Variants in SH3GL2 observed in about 807,000 individuals in gnomAD.
SH3GL2 encodes the protein endophilin-A1.
Under a neutral mutation model 46.0 loss-of-function variants are expected in SH3GL2, and 24 were observed. The ratio of observed to expected loss-of-function variants is 0.52; its 90% confidence interval spans 0.38 to 0.73. SH3GL2 has a LOEUF of 0.73. SH3GL2 is among the 30% of genes least tolerant of loss of function. The pLI, the probability that SH3GL2 is intolerant of heterozygous loss-of-function variation, is 0.00. For synonymous variants in SH3GL2, 196 were observed against 147.1 expected, an observed-to-expected ratio of 1.33 and a Z score of -2.40; for missense variants, 413 against 424.2, an observed-to-expected ratio of 0.97 and a Z score of 0.23.
intron 1 of SH3GL2, among the ~76,000 whole-genome samples, chr9:17,654,598 T>G (rs1021354826): frequency 3.3e-5 from 5 of 152,210 alleles, no homozygotes; most frequent in African/African-American, 1.2e-4. Flanking sequence ...AAAGTTAATC[T>G]TTATCATCTA....
chr9:17,665,510 C>A (rs999834550), intron 1 of SH3GL2, among the ~76,000 whole-genome samples: 5 of 151,954 alleles, frequency 3.3e-5, no homozygotes, highest in Non-Finnish European at 7.4e-5. Flanking sequence ...TGTTTATTTG[C>A]TTATTTATTC....
intron 1 of SH3GL2, among the ~76,000 whole-genome samples, chr9:17,733,315 G>T (rs944736700): frequency 6.6e-6 from 1 of 151,118 alleles, no homozygotes; most frequent in African/African-American, 2.4e-5. Context: ...TAGGGTACAT[G>T]TGCACAATGT....
At chr9:17,795,199 A>G (rs1057503400) in intron 8 of SH3GL2, among the ~76,000 whole-genome samples, 1 of 152,200 alleles carries the variant, frequency 6.6e-6, no homozygotes, top group African/African-American at 2.4e-5. Flanking sequence ...TTCTTAAGTC[A>G]TTGTCCCTCC....
intron 3 of SH3GL2, among the ~76,000 whole-genome samples, chr9:17,772,447 C>G (rs1823512231): frequency 6.6e-6 from 1 of 152,146 alleles, no homozygotes; most frequent in African/African-American, 2.4e-5. Flanking sequence ...ATCTCCATAA[C>G]TCTTTTTGTC....
intron 1 of SH3GL2, among the ~76,000 whole-genome samples, chr9:17,594,023 G>A (rs1242898226): frequency 6.6e-6 from 1 of 152,108 alleles, no homozygotes; most frequent in Non-Finnish European, 1.5e-5. Flanking sequence ...TGTGCTTCTG[G>A]TCTCGTTCCC....
At chr9:17,664,125 G>A (rs1195945873) in intron 1 of SH3GL2, among the ~76,000 whole-genome samples, 2 of 152,084 alleles carry the variant, frequency 1.3e-5, no homozygotes, top group Non-Finnish European at 2.9e-5. Flanking sequence ...AATTCAGTAC[G>A]CCTAAGTGAA....
chr9:17,708,560 A>T (rs1367277040), intron 1 of SH3GL2, among the ~76,000 whole-genome samples: 1 of 152,000 alleles, frequency 6.6e-6, no homozygotes, highest in Non-Finnish European at 1.5e-5. Flanking sequence ...AATATATACG[A>T]TTGCGTTATA....
chr9:17,650,847 ATTG>A (rs1350968554), intron 1 of SH3GL2, among the ~76,000 whole-genome samples: 1 of 152,110 alleles, frequency 6.6e-6, no homozygotes, highest in Non-Finnish European at 1.5e-5. Flanking sequence ...AGGAGAGTTT[ATTG>A]TTTTATGAAA....
intron 1 of SH3GL2, among the ~76,000 whole-genome samples, chr9:17,701,862 A>G (rs1475747928): frequency 3.3e-5 from 5 of 152,282 alleles, no homozygotes; most frequent in South Asian, 2.1e-4. Context: ...ACTTAGCATC[A>G]TAAAGGAGTC....
intron 1 of SH3GL2, among the ~76,000 whole-genome samples, chr9:17,582,221 A>C (rs1002126304): frequency 6.6e-6 from 1 of 152,256 alleles, no homozygotes; most frequent in Non-Finnish European, 1.5e-5. Flanking sequence ...GCTTTTGCCA[A>C]GTAAAATTTA....
chr9:17,649,552 G>C (rs1819905653), intron 1 of SH3GL2, among the ~76,000 whole-genome samples: 1 of 152,070 alleles, frequency 6.6e-6, no homozygotes, highest in Admixed American at 6.5e-5. Context: ...AAGGGCATTG[G>C]TAAATACCAC....
chr9:17,686,836 GC>G (rs1820924552), intron 1 of SH3GL2, among the ~76,000 whole-genome samples: 2 of 149,942 alleles, frequency 1.3e-5, no homozygotes, highest in Non-Finnish European at 3.0e-5. Flanking sequence ...TATACCTAAT[GC>G]TAGATGACGA....
At chr9:17,637,019 A>C (rs1166216879) in intron 1 of SH3GL2, among the ~76,000 whole-genome samples, 1 of 152,194 alleles carries the variant, frequency 6.6e-6, no homozygotes, top group Non-Finnish European at 1.5e-5. Context: ...AGTTGCCTGG[A>C]AGGGAAAGGA....
intron 3 of SH3GL2, among the ~76,000 whole-genome samples, chr9:17,782,586 G>A (rs993395647): frequency 2.0e-5 from 3 of 152,108 alleles, no homozygotes; most frequent in Non-Finnish European, 4.4e-5. Flanking sequence ...AGCAGGCCTG[G>A]TGCCAAGGAG....
chr9:17,597,002 T>A (rs1481188892), intron 1 of SH3GL2, among the ~76,000 whole-genome samples: 1 of 152,196 alleles, frequency 6.6e-6, no homozygotes, highest in Non-Finnish European at 1.5e-5. Context: ...GATAAATAAT[T>A]TCTGTGAAAT....
At chr9:17,752,417 A>G (rs1822872284) in intron 2 of SH3GL2, among the ~76,000 whole-genome samples, 2 of 152,138 alleles carry the variant, frequency 1.3e-5, no homozygotes, top group South Asian at 2.1e-4. Flanking sequence ...TGCCTTTTTA[A>G]TATTTCTTTT....
intron 2 of SH3GL2, among the ~76,000 whole-genome samples, chr9:17,753,447 A>G (rs183304471): frequency 1.6e-4 from 25 of 152,230 alleles, no homozygotes; most frequent in African/African-American, 5.8e-4. Flanking sequence ...GTGTTTTCTC[A>G]TATGTTTCTT....
At chr9:17,781,713 A>G (rs1823815271) in intron 3 of SH3GL2, among the ~76,000 whole-genome samples, 1 of 152,116 alleles carries the variant, frequency 6.6e-6, no homozygotes, top group Non-Finnish European at 1.5e-5. Flanking sequence ...AACTCTGAAC[A>G]CTTGATCTAT....
chr9:17,698,251 C>G (rs1044716593), intron 1 of SH3GL2, among the ~76,000 whole-genome samples: 5 of 152,150 alleles, frequency 3.3e-5, no homozygotes, highest in African/African-American at 1.2e-4. Flanking sequence ...GTTACCTTGT[C>G]TAAAACAAGG....
Sources: gnomAD v4.1 joint callset for allele counts (sites outside exome capture counted in the v4.1 genomes callset) on GRCh38, gnomAD v4.1.1 for gene constraint, MANE v1.5 for transcripts, NCBI Gene and HGNC (gene_info 2026-07-23, HGNC 2026-07-21) for gene names.